The following ST7 variants were observed in gnomAD, a reference collection of about 807,000 sequenced individuals.
The protein encoded by ST7 is suppressor of tumorigenicity 7 protein.
Under a neutral mutation model 78.7 loss-of-function variants are expected in ST7, and 28 were observed. That is an observed-to-expected ratio of 0.36 (90% confidence interval 0.26 to 0.49). The LOEUF (loss-of-function observed/expected upper bound fraction) is 0.49. Among genes scored for constraint, ST7 ranks in the 20% least tolerant of loss-of-function variants. The pLI is 0.99. For synonymous variants in ST7, 247 were observed against 249.6 expected (o/e 0.99, Z 0.10); for missense variants, 418 against 696.0 (o/e 0.60, Z 4.49).
chr7:116,959,377 C>A, intron 1 of ST7: 2 of 396,058 alleles, frequency 5.0e-6, no homozygotes, highest in South Asian at 2.0e-5. Flanking sequence ...ATATGTGGGT[C>A]AGTGTTTGTG....
chr7:117,160,663 A>T (rs1225269098), intron 9 of ST7, among the ~76,000 whole-genome samples: 1 of 151,770 alleles, frequency 6.6e-6, no homozygotes, highest in Non-Finnish European at 1.5e-5. Context: ...GTATATATAT[A>T]TATATACATA....
intron 2 of ST7, among the ~76,000 whole-genome samples, chr7:117,114,404 CAA>C (rs200224380): frequency 4.5e-5 from 6 of 131,894 alleles, no homozygotes; most frequent in Admixed American, 1.5e-4. Flanking sequence ...TCCCTTTTGC[CAA>C]AAAAAAAAAA....
chr7:117,030,460 T>C (rs1458434757), intron 1 of ST7, among the ~76,000 whole-genome samples: 1 of 152,208 alleles, frequency 6.6e-6, no homozygotes, highest in East Asian at 1.9e-4. Flanking sequence ...AGGGTATGTC[T>C]TAACAAATAG....
intron 9 of ST7, among the ~76,000 whole-genome samples, chr7:117,148,964 C>T (rs1300043678): frequency 2.0e-5 from 3 of 152,132 alleles, no homozygotes; most frequent in Non-Finnish European, 4.4e-5. Flanking sequence ...CCACCAGGAA[C>T]AGAAACCAGA....
chr7:117,062,339 G>A (rs762089655), intron 1 of ST7, among the ~76,000 whole-genome samples: 1 of 152,176 alleles, frequency 6.6e-6, no homozygotes, highest in Non-Finnish European at 1.5e-5. Flanking sequence ...TGGTAATTTT[G>A]CCAGCAGGTA....
At chr7:117,015,065 T>C in intron 1 of ST7, 1 of 947,224 alleles carries the variant, frequency 1.1e-6, no homozygotes. Flanking sequence ...ACTTTAAAAA[T>C]AATATTTTGA....
At chr7:117,016,612 A>G (rs1795628522) in intron 1 of ST7, among the ~76,000 whole-genome samples, 1 of 152,218 alleles carries the variant, frequency 6.6e-6, no homozygotes, top group South Asian at 2.1e-4. Context: ...AGTGTGAACA[A>G]AGGAGGTGAC....
intron 12 of ST7, 107 bp from the exon 13 acceptor site, chr7:117,209,680 A>G: frequency 7.7e-7 from 1 of 1,306,740 alleles, no homozygotes; most frequent in Non-Finnish European, 1.0e-6. Flanking sequence ...AGGTTTAATG[A>G]AATGCTTATA....
At chr7:117,171,634 T>C (rs960736265) in intron 10 of ST7, among the ~76,000 whole-genome samples, 4 of 151,562 alleles carry the variant, frequency 2.6e-5, no homozygotes, top group Non-Finnish European at 5.9e-5. Context: ...ATTTTAAAAC[T>C]CTAATGCTCA....
intron 1 of ST7, among the ~76,000 whole-genome samples, chr7:117,013,970 G>A (rs1795488929): frequency 6.6e-6 from 1 of 152,162 alleles, no homozygotes; most frequent in South Asian, 2.1e-4. Flanking sequence ...ACATTTTATA[G>A]CATTGTCAAC....
At position 117,099,061 on chromosome 7, in the gene ST7, AAAAAC is replaced by A. The variant is rs1369461008; in HGVS notation, c.152-696_152-692del. Among the ~76,000 whole-genome samples, 125 of 143,940 alleles carry A rather than the reference AAAAAC, an allele frequency of 8.7e-4. 1 individual carries two copies. Among genetic ancestry groups the A allele is most frequent in the African/African-American group, 1.4e-3 (51 of 37,754 alleles). 94.4% of individuals were successfully genotyped at this position (143,940 alleles called of 152,430 possible). A position where few individuals can be genotyped will look rare whatever the true frequency, so the allele number is the denominator to read the frequency against. Reference sequence around the variant, plus strand: ...CTCACTTTCGCAAAAAAAAAAAAAAAAAAACAAAAAAAAAAGAAGAAGAAGAAGGT... The same window carrying A: ...CTCACTTTCGCAAAAAAAAAAAAAAAAAAAAAAAAAGAAGAAGAAGAAGGT... On this transcript the variant is annotated intron_variant, in intron 1 of 15. Coordinates refer to ENST00000323984, the MANE Select transcript of ST7 (RefSeq NM_001369598.1).
At chr7:117,097,276 A>G (rs759232961) in intron 1 of ST7, among the ~76,000 whole-genome samples, 7 of 151,822 alleles carry the variant, frequency 4.6e-5, no homozygotes, top group Non-Finnish European at 7.4e-5. Context: ...GGTATATGGT[A>G]CAGATATGAA....
chr7:117,043,808 C>A (rs1463986519), intron 1 of ST7, among the ~76,000 whole-genome samples: 1 of 152,208 alleles, frequency 6.6e-6, no homozygotes, highest in African/African-American at 2.4e-5. Flanking sequence ...CATCACCACA[C>A]CCCTGTGAGA....
rs570750970 is a variant in ST7 at position 117,128,864 on chromosome 7, A to G, written c.395-929A>G. Among the ~76,000 whole-genome samples, 4 of 151,922 alleles carry G rather than the reference A, an allele frequency of 2.6e-5. No individual in the cohort carries two copies. The South Asian group carries it at 8.3e-4, about 31-fold the overall frequency. On this transcript the variant is annotated intron_variant, in intron 3 of 15. Transcript: ENST00000323984. The stretch of plus-strand genomic sequence containing the variant: ...AATAATTGCTCACTTTTTTGTACAT[A>G]TGTTGTTGGATGTGGTTTTTGCTGG...
chr7:117,106,782 G>A (rs528122546), intron 2 of ST7, among the ~76,000 whole-genome samples: 13 of 151,768 alleles, frequency 8.6e-5, no homozygotes, highest in South Asian at 4.2e-4. Flanking sequence ...CACCATGCCC[G>A]GCTAATTTTT....
chr7:117,015,925 G>T (rs1484109224), intron 1 of ST7, among the ~76,000 whole-genome samples: 2 of 152,186 alleles, frequency 1.3e-5, no homozygotes, highest in Admixed American at 6.5e-5. Flanking sequence ...TGTGCATCCG[G>T]ATTGAACTCT....
At chr7:116,965,167 A>C (rs1793041013) in intron 1 of ST7, among the ~76,000 whole-genome samples, 1 of 152,016 alleles carries the variant, frequency 6.6e-6, no homozygotes, top group South Asian at 2.1e-4. Flanking sequence ...GTGAAACGCT[A>C]TCTCTACTAA....
At chr7:117,100,055 ATTAC>A (rs1164055136) in intron 2 of ST7, among the ~76,000 whole-genome samples, 1 of 152,206 alleles carries the variant, frequency 6.6e-6, no homozygotes, top group Non-Finnish European at 1.5e-5. Flanking sequence ...GCAATCGTAT[ATTAC>A]TTTGTTGAAG....
intron 10 of ST7, among the ~76,000 whole-genome samples, chr7:117,184,955 T>A (rs1809115304): frequency 6.6e-6 from 1 of 152,192 alleles, no homozygotes; most frequent in Non-Finnish European, 1.5e-5. Context: ...AAATATTAAG[T>A]TTAAAAATTA....
Sources: allele counts gnomAD v4.1 joint callset (sites outside exome capture counted in the v4.1 genomes callset), GRCh38; gene constraint gnomAD v4.1.1; transcripts MANE v1.5; gene names NCBI Gene and HGNC (gene_info 2026-07-23, HGNC 2026-07-21).